Variants in PCDHGB3 observed in about 807,000 individuals in gnomAD.
The protein encoded by PCDHGB3 is protocadherin gamma-B3.
A neutral mutation model predicts 59.2 loss-of-function variants in PCDHGB3; 40 were observed. The ratio of observed to expected loss-of-function variants is 0.68; its 90% CI spans 0.52 to 0.88. The LOEUF (loss-of-function observed/expected upper bound fraction) is 0.88, where lower values mean the gene tolerates loss of function less well. Among genes scored for constraint, PCDHGB3 ranks in the 40% least tolerant of loss-of-function variants. The probability of loss-of-function intolerance (pLI) is 0.00; values close to 1 mark genes in which losing one functional copy is unlikely to be tolerated. For missense variants in PCDHGB3, 1,309 were observed against 1,187.9 expected (o/e 1.10, Z -1.50); for synonymous variants, 581 against 503.6 (o/e 1.15, Z -2.06).
chr5:141,417,211 T>C (rs1027777607), intron 1 of PCDHGB3: 1 of 152,174 alleles, frequency 6.6e-6, no homozygotes, highest in Admixed American at 6.5e-5. Context: ...TAGGCTAGAA[T>C]TGAAGACAAA....
chr5:141,478,652 G>A (rs188883724), intron 1 of PCDHGB3: 2 of 1,551,970 alleles, frequency 1.3e-6, no homozygotes, highest in East Asian at 2.4e-5. Flanking sequence ...TGTTTTCCTG[G>A]TGATGCATTC....
chr5:141,384,870 C>T lies in PCDHGB3; in HGVS notation c.2415+12061C>T, dbSNP rs573213865. 2.6e-5 allele frequency: 42 copies of T among 1,613,806 alleles called. No homozygotes were observed. The Admixed American group carries it at 4.7e-4, about 18-fold the overall frequency. Reference sequence around the variant, plus strand: ...ACGGTCAGCCTCCTCTGTCAGCCACCGTCACACTCACCGTGGCTGTGGCTG... The same window carrying T: ...ACGGTCAGCCTCCTCTGTCAGCCACTGTCACACTCACCGTGGCTGTGGCTG... On this transcript the variant is annotated intron_variant, in intron 1 of 3. Coordinates refer to ENST00000576222, the MANE Select transcript of PCDHGB3 (RefSeq NM_018924.5).
chr5:141,375,156 A>C (rs565020201), intron 1 of PCDHGB3: 2 of 1,613,972 alleles, frequency 1.2e-6, no homozygotes, highest in Non-Finnish European at 1.7e-6. Flanking sequence ...ACAATTGCTG[A>C]AAGTGCACCT....
rs542553570 is a variant in PCDHGB3 at position 141,372,192 on chromosome 5, T to C, written c.1798T>C (p.Tyr600His). Residue 600 changes from tyrosine (Y) to histidine (H), a missense_variant, in exon 1 of 4, where the codon TAC becomes CAC. By Grantham distance (83) the Tyr-to-His change is moderately conservative. Coordinates refer to ENST00000576222, the MANE Select transcript of PCDHGB3 (RefSeq NM_018924.5). ...KVVAVDADSG[Y>H]NAWLSYHIVQ... is the part of the protein sequence containing the mutation. The stretch of plus-strand genomic sequence containing the variant: ...GGTGGCGGTGGACGCAGACTCGGGA[T>C]ACAACGCCTGGCTGTCCTACCACAT... 6.2e-6 allele frequency: 10 copies of C among 1,613,546 alleles called. No homozygotes were observed. Among genetic ancestry groups the C allele is most frequent in the Middle Eastern group, 1.7e-4 (1 of 6,028 alleles).
At chr5:141,480,871 C>T (rs1262582761) in intron 1 of PCDHGB3, among the ~76,000 whole-genome samples, 1 of 151,930 alleles carries the variant, frequency 6.6e-6, no homozygotes, top group Non-Finnish European at 1.5e-5. Context: ...ATGGTGAAAC[C>T]CCGTCTCTAC....
Position 141,432,403 on chromosome 5 carries a change from G to A in PCDHGB3, c.2415+59594G>A, listed in dbSNP as rs1279890312. The A allele has an allele frequency of 6.2e-7, 1 of 1,614,242 alleles. No homozygotes were observed. The highest frequency in any genetic ancestry group is 8.5e-7 in the Non-Finnish European group (1 of 1,180,052). On this transcript the variant is annotated intron_variant, in intron 1 of 3. Coordinates refer to ENST00000576222, the MANE Select transcript of PCDHGB3 (RefSeq NM_018924.5). The surrounding 1 kb of genome is among the most constrained non-coding windows in gnomAD (Gnocchi z 6.0). ...CGCCCCTCAGCAGCAACGTGTCGTT[G>A]AGCCTGTTCGTGCTGGACCAGAACG...
intron 1 of PCDHGB3, chr5:141,468,330 C>CAAAAAAAAAAAAAAAAGAAAAAAAAAAA (rs2099163578): frequency 1.3e-5 from 1 of 79,888 alleles, no homozygotes; most frequent in African/African-American, 3.9e-5. Flanking sequence ...AACTCCATCT[C>CAAAAAAAAAAAAAAAAGAAAAAAAAAAA]AAAAAAAAAA....
intron 1 of PCDHGB3, among the ~76,000 whole-genome samples, chr5:141,450,830 T>A (rs923422605): frequency 3.0e-5 from 3 of 101,548 alleles, no homozygotes; most frequent in African/African-American, 1.3e-4. Context: ...ATTATTATTA[T>A]TTTTTTTTTT....
rs754433753 is a variant in PCDHGB3 at position 141,399,914 on chromosome 5, A to G, written c.2415+27105A>G. On this transcript the variant is annotated intron_variant, in intron 1 of 3. Transcript: ENST00000576222. ...GTGGCCGTGGACGCAGACTCAGGACACAACGCCTGGCTGTCCTACCACGTG... is the reference window on the plus strand; with the variant it reads ...GTGGCCGTGGACGCAGACTCAGGACGCAACGCCTGGCTGTCCTACCACGTG... The G allele has an allele frequency of 2.7e-5, 44 of 1,612,236 alleles. No homozygotes were observed. In the Admixed American group the frequency reaches 7.3e-4, roughly 27 times the overall value.
chr5:141,451,914 A>G (rs1387569597), intron 1 of PCDHGB3, among the ~76,000 whole-genome samples: 3 of 152,022 alleles, frequency 2.0e-5, no homozygotes, highest in East Asian at 1.9e-4. Context: ...GGGAGGGAGG[A>G]AGGAAGGGAG....
At position 141,404,694 on chromosome 5, in the gene PCDHGB3, C is replaced by G. The variant is rs749803871; in HGVS notation, c.2415+31885C>G. 3.1e-6 allele frequency: 5 copies of G among 1,613,998 alleles called. No individual in the cohort carries two copies. In the Admixed American group the frequency reaches 5.0e-5, roughly 16 times the overall value. On this transcript the variant is annotated intron_variant, in intron 1 of 3. Coordinates refer to ENST00000576222, the MANE Select transcript of PCDHGB3 (RefSeq NM_018924.5). ...ACTGGTGTGGAGCTGGCACCCCGCT[C>G]TGCAGAGCCTGGCTACCTGGTGACC...
rs774682943 is a variant in PCDHGB3 at position 141,493,841 on chromosome 5, T to G, written c.2416-966T>G. Among the ~76,000 whole-genome samples the G allele has an allele frequency of 3.3e-5, 5 of 152,024 alleles. No homozygotes were observed. Among genetic ancestry groups the G allele is most frequent in the Non-Finnish European group, 7.4e-5 (5 of 68,010 alleles). On this transcript the variant is annotated intron_variant, in intron 1 of 3. Transcript: ENST00000576222. This position sits in a 1 kb window ranked among gnomAD's most constrained non-coding sequence, Gnocchi z 4.3. The stretch of plus-strand genomic sequence containing the variant: ...CTCTGCTTCTGGGAGCAAGTATGAG[T>G]ATTAATTACCAGCCCACCCCAGAAC...
intron 1 of PCDHGB3, chr5:141,374,478 G>C (rs781173070): frequency 6.2e-7 from 1 of 1,611,820 alleles, no homozygotes; most frequent in African/African-American, 1.3e-5. Flanking sequence ...AATACACCCC[G>C]ATTCTTAAAG....
In PCDHGB3 at chr5:141,372,008, C is replaced by T; in HGVS notation, c.1614C>T (p.Gly538=). The change falls in exon 1 of 4, where the codon GGC becomes GGT. Residue 538 remains glycine (G), a synonymous_variant. Transcript: ENST00000576222. ...FELTLQARDQ[G]SPTLSANVSL... ...TCACTCTGCAGGCCCGCGACCAGGGCTCGCCTACGCTCAGCGCCAACGTGA... is the reference window on the plus strand; with the variant it reads ...TCACTCTGCAGGCCCGCGACCAGGGTTCGCCTACGCTCAGCGCCAACGTGA... 1.9e-6 allele frequency: 3 copies of T among 1,613,290 alleles called. No homozygotes were observed. The highest frequency in any genetic ancestry group is 1.3e-5 in the African/African-American group (1 of 75,072).
At chr5:141,413,407 CTT>C (rs758693256) in intron 1 of PCDHGB3, 1 of 1,613,926 alleles carries the variant, frequency 6.2e-7, no homozygotes, top group Non-Finnish European at 8.5e-7. Context: ...TAGGACGCAG[CTT>C]TTCTCTCTGA....
At chr5:141,384,011 T>C in intron 1 of PCDHGB3, 1 of 1,613,766 alleles carries the variant, frequency 6.2e-7, no homozygotes, top group Non-Finnish European at 8.5e-7. Context: ...CTTTTCTACC[T>C]ACAAGACAGA....
chr5:141,421,160 A>T, intron 1 of PCDHGB3: 1 of 1,250,104 alleles, frequency 8.0e-7, no homozygotes, highest in Non-Finnish European at 1.1e-6. Flanking sequence ...CTAGGACTTC[A>T]TAGATACATA....
intron 3 of PCDHGB3, 61 bp downstream of exon 3, chr5:141,505,542 A>C: frequency 2.6e-5 from 42 of 1,604,950 alleles, no homozygotes; most frequent in Non-Finnish European, 3.2e-5. Flanking sequence ...GGTGCATCTC[A>C]CAGCCACCAT....
chr5:141,422,433 T>C, intron 1 of PCDHGB3: 2 of 1,609,628 alleles, frequency 1.2e-6, no homozygotes. Context: ...ATGGAAATTA[T>C]TACAAATTGA....
Sources: allele counts gnomAD v4.1 joint callset (sites outside exome capture counted in the v4.1 genomes callset), GRCh38; gene constraint gnomAD v4.1.1; non-coding constraint Gnocchi (gnomAD v3.1); transcripts MANE v1.5; gene names NCBI Gene and HGNC (gene_info 2026-07-23, HGNC 2026-07-21).